Variants in TAL1 observed in about 807,000 individuals in gnomAD.
TAL1 encodes the protein T-cell acute lymphocytic leukemia protein 1.
In TAL1, 8 loss-of-function variants were observed where a neutral mutation model predicts 17.9. The observed-to-expected ratio is 0.45, with a 90% CI of 0.26 to 0.81. The LOEUF is 0.81. Among genes scored for constraint, TAL1 ranks in the 30% least tolerant of loss-of-function variants. The pLI, the probability that TAL1 is intolerant of heterozygous loss-of-function variation, is 0.17. For missense variants in TAL1, 466 were observed against 486.9 expected, an observed-to-expected ratio of 0.96 and a Z score of 0.40; for synonymous variants, 223 against 218.6, an observed-to-expected ratio of 1.02 and a Z score of -0.18.
In TAL1 at chr1:47,219,900, C is replaced by A. The variant is rs756549911; in HGVS notation, c.816G>T (p.Gly272=). Reference sequence around the variant, plus strand: ...GGAGGTCATCTGGGGGCGCGCCGCCCCCTCCCCCACCTCCACCCCCACCAG... The same window carrying A: ...GGAGGTCATCTGGGGGCGCGCCGCCACCTCCCCCACCTCCACCCCCACCAG... The change falls in exon 4 of 4, where the codon GGG becomes GGT. Residue 272 remains glycine, a synonymous_variant. Transcript: ENST00000294339. The A allele has an allele frequency of 1.8e-5, 27 of 1,540,392 alleles. No individual in the cohort carries two copies. In the African/African-American group the frequency reaches 3.4e-4, roughly 20 times the overall value.
At chr1:47,225,493 G>A (rs1338860581) in exon 2 of TAL1, 2 of 1,234,824 alleles carry the variant, frequency 1.6e-6, no homozygotes, top group Non-Finnish European at 1.0e-6. Context: ...GCGCGCGGCC[G>A]GGGGCGGCGG....
exon 2 of TAL1, chr1:47,225,804 G>C: frequency 6.4e-7 from 1 of 1,573,206 alleles, no homozygotes; most frequent in Non-Finnish European, 8.6e-7. Flanking sequence ...ACCAGGTGCG[G>C]GGGGGCCATG....
At chr1:47,227,182 T>C (rs939764700) in intron 1 of TAL1, 3 of 152,084 alleles carry the variant, frequency 2.0e-5, no homozygotes, top group African/African-American at 7.2e-5. Context: ...GGCTCTTCCA[T>C]CACCTGGCTT....
At chr1:47,224,140 G>C in intron 2 of TAL1, 42 bp from the exon 4 acceptor site, 1 of 1,596,674 alleles carries the variant, frequency 6.3e-7, no homozygotes, top group Non-Finnish European at 8.6e-7. Context: ...CCATGTTGAG[G>C]GGAGGGGAGA....
At chr1:47,220,120 C>T in exon 4 of TAL1, 1 of 1,602,968 alleles carries the variant, frequency 6.2e-7, no homozygotes, top group Non-Finnish European at 8.5e-7. Flanking sequence ...ATTCTGCTGC[C>T]GCCATCGCTC....
exon 4 of TAL1, chr1:47,219,948 A>C: frequency 7.7e-7 from 1 of 1,305,168 alleles, no homozygotes; most frequent in Non-Finnish European, 9.9e-7. Context: ...GGTCCTTGCC[A>C]GTCTTGGCCC....
intron 2 of TAL1, among the ~76,000 whole-genome samples, chr1:47,224,403 AACACAC>A (rs3835389): frequency 0.018 from 2,749 of 148,688 alleles, 79 homozygotes; most frequent in African/African-American, 0.063. Context: ...CACAAAAATG[AACACAC>A]ACACACACAC....
At chr1:47,217,537 G>A (rs1395465965) in exon 4 of TAL1, 8 of 398,508 alleles carry the variant, frequency 2.0e-5, no homozygotes, top group Non-Finnish European at 3.5e-5. Context: ...GACTCAGGCT[G>A]CGAAACCCCA....
chr1:47,225,913 C>A (rs920562685), intron 1 of TAL1, 24 bp from the exon 3 acceptor site: 3 of 1,424,814 alleles, frequency 2.1e-6, no homozygotes, highest in African/African-American at 1.4e-5. Context: ...GACAGACAAG[C>A]GGATGCCCGC....
At chr1:47,225,363 A>C (rs1467332282) in intron 2 of TAL1, 80 bp downstream of exon 3, 1 of 1,185,638 alleles carries the variant, frequency 8.4e-7, no homozygotes, top group Admixed American at 4.3e-5. Flanking sequence ...GCCGCCGCCG[A>C]TGTGTAGAAG....
chr1:47,226,550 G>A (rs994987397), intron 1 of TAL1, among the ~76,000 whole-genome samples: 1 of 151,870 alleles, frequency 6.6e-6, no homozygotes, highest in African/African-American at 2.4e-5. Flanking sequence ...ACACACATTC[G>A]CCCCCGCTGG....
chr1:47,232,129 G>A (rs893617387), upstream of TAL1: 1 of 225,444 alleles, frequency 4.4e-6, no homozygotes, highest in Non-Finnish European at 8.8e-6. Context: ...GGGAGGCCGC[G>A]GGTTGCTTTT....
exon 4 of TAL1, chr1:47,219,648 C>T: frequency 6.3e-7 from 1 of 1,589,672 alleles, no homozygotes; most frequent in Non-Finnish European, 8.5e-7. Flanking sequence ...ATTCTCACCC[C>T]ACCTGCCCTG....
chr1:47,228,412 T>C (rs760161493), intron 1 of TAL1: 22 of 194,362 alleles, frequency 1.1e-4, no homozygotes, highest in Non-Finnish European at 1.8e-4. Context: ...TGAATCGTTC[T>C]AGAGTATTTG....
chr1:47,218,298 G>GA (rs1449583756), exon 4 of TAL1: 1 of 232,972 alleles, frequency 4.3e-6, no homozygotes, highest in Non-Finnish European at 8.5e-6. Flanking sequence ...CTCACCTTAA[G>GA]AAAACCACAT....
At chr1:47,218,891 G>A (rs1448698504) in exon 4 of TAL1, 1 of 246,534 alleles carries the variant, frequency 4.1e-6, no homozygotes. Flanking sequence ...GTGATGTCGA[G>A]GAGTTGAAGC....
exon 4 of TAL1, chr1:47,219,466 G>T: frequency 1.5e-6 from 1 of 684,028 alleles, no homozygotes; most frequent in South Asian, 1.5e-5. Context: ...GGGACTGAGG[G>T]AAGAGGGAAG....
At chr1:47,223,253 G>A (rs189037021) in intron 3 of TAL1, 35 of 152,482 alleles carry the variant, frequency 2.3e-4, no homozygotes, top group Admixed American at 2.0e-3. Context: ...CAGCTCTGAA[G>A]TGCCTGCTCT....
At chr1:47,216,804 G>A in exon 4 of TAL1, 1 of 231,534 alleles carries the variant, frequency 4.3e-6, no homozygotes, top group East Asian at 6.1e-5. Context: ...GTTTTGTTTT[G>A]TTTTACCTTT....
Sources: gnomAD v4.1 joint callset for allele counts (sites outside exome capture counted in the v4.1 genomes callset) on GRCh38, gnomAD v4.1.1 for gene constraint, MANE v1.5 for transcripts, NCBI Gene and HGNC (gene_info 2026-07-23, HGNC 2026-07-21) for gene names.